The following CTNNA2 variants were observed in gnomAD, a reference collection of about 807,000 sequenced individuals.
The protein encoded by CTNNA2 is catenin alpha-2.
In CTNNA2, 42 loss-of-function variants were observed where a neutral mutation model predicts 101.0. The ratio of observed to expected loss-of-function variants is 0.42; its 90% CI spans 0.32 to 0.54. CTNNA2 has a LOEUF of 0.54. CTNNA2 is among the 20% of genes least tolerant of loss of function. CTNNA2 has a pLI of 0.14. For synonymous variants in CTNNA2, 450 were observed against 456.4 expected (o/e 0.99, Z 0.18); for missense variants, 871 against 1,223.1 (o/e 0.71, Z 4.29).
chr2:79,903,564 C>T (rs935136901), intron 6 of CTNNA2, among the ~76,000 whole-genome samples: 1 of 152,146 alleles, frequency 6.6e-6, no homozygotes, highest in East Asian at 1.9e-4. Context: ...TATGTCCATT[C>T]AGGCCCTTGA....
At chr2:79,729,167 G>A (rs912195837) in intron 2 of CTNNA2, among the ~76,000 whole-genome samples, 4 of 152,062 alleles carry the variant, frequency 2.6e-5, no homozygotes, top group African/African-American at 9.7e-5. Flanking sequence ...ATTTTATACA[G>A]CGAATAAGTG....
intron 2 of CTNNA2, among the ~76,000 whole-genome samples, chr2:79,724,072 C>T (rs1374709704): frequency 4.6e-5 from 7 of 152,156 alleles, no homozygotes; most frequent in African/African-American, 1.4e-4. Flanking sequence ...TGGACTGCCT[C>T]GTTGGATGTT....
At chr2:79,966,541 C>G (rs1690076945) in intron 7 of CTNNA2, among the ~76,000 whole-genome samples, 3 of 152,172 alleles carry the variant, frequency 2.0e-5, no homozygotes, top group Admixed American at 2.0e-4. Context: ...TGGCCTGTAA[C>G]TGGGACCTTT....
chr2:79,677,778 A>G (rs1683283692), intron 2 of CTNNA2, among the ~76,000 whole-genome samples: 1 of 152,232 alleles, frequency 6.6e-6, no homozygotes. Flanking sequence ...AATGTTAAAG[A>G]ATAAAGTAAG....
At chr2:79,622,845 T>G (rs544004187) in intron 1 of CTNNA2, among the ~76,000 whole-genome samples, 1 of 152,284 alleles carries the variant, frequency 6.6e-6, no homozygotes, top group South Asian at 2.1e-4. Flanking sequence ...GTAGGGGATA[T>G]TTCACTCCTA....
intron 2 of CTNNA2, among the ~76,000 whole-genome samples, chr2:79,656,453 G>T (rs1313634010): frequency 6.6e-6 from 1 of 152,066 alleles, no homozygotes; most frequent in African/African-American, 2.4e-5. Flanking sequence ...TAATAAGGAT[G>T]GATAAGGGAT....
At chr2:80,543,211 A>G (rs953329210) in intron 9 of CTNNA2, among the ~76,000 whole-genome samples, 1 of 152,218 alleles carries the variant, frequency 6.6e-6, no homozygotes, top group Non-Finnish European at 1.5e-5. Flanking sequence ...TAGAATACAG[A>G]TGTAACAAAG....
At chr2:79,660,327 GTGTA>G (rs1461064327) in intron 2 of CTNNA2, among the ~76,000 whole-genome samples, 1 of 149,964 alleles carries the variant, frequency 6.7e-6, no homozygotes, top group Non-Finnish European at 1.5e-5. Context: ...ACATATGTAT[GTGTA>G]TGTATACTAT....
chr2:80,410,127 G>T (rs539826977), intron 8 of CTNNA2, among the ~76,000 whole-genome samples: 1 of 152,256 alleles, frequency 6.6e-6, no homozygotes, highest in African/African-American at 2.4e-5. Context: ...CAGATTTTTA[G>T]ACTTTGTACA....
chr2:80,470,368 G>A (rs1245354109), intron 9 of CTNNA2, among the ~76,000 whole-genome samples: 1 of 151,740 alleles, frequency 6.6e-6, no homozygotes, highest in Non-Finnish European at 1.5e-5. Context: ...ATAAGGATTT[G>A]GGAGCCACAG....
At chr2:79,330,119 G>A (rs1279730154) in intron 3 of CTNNA2, among the ~76,000 whole-genome samples, 2 of 152,102 alleles carry the variant, frequency 1.3e-5, no homozygotes, top group Non-Finnish European at 2.9e-5. Context: ...CCTCTACCTG[G>A]CACTAATTCC....
chr2:80,201,367 CTTTTTT>C (rs60448795), intron 7 of CTNNA2, among the ~76,000 whole-genome samples: 6 of 80,732 alleles, frequency 7.4e-5, no homozygotes, highest in African/African-American at 2.1e-4. Flanking sequence ...CTTTTTCTTT[CTTTTTT>C]TTTTTTTTTT....
intron 1 of CTNNA2, among the ~76,000 whole-genome samples, chr2:79,646,907 T>C (rs1417693426): frequency 6.6e-6 from 1 of 152,208 alleles, no homozygotes; most frequent in Non-Finnish European, 1.5e-5. Flanking sequence ...TTGTGCTGTA[T>C]GGAAGAAGAC....
intron 4 of CTNNA2, among the ~76,000 whole-genome samples, chr2:79,480,660 A>C (rs1191612239): frequency 6.6e-6 from 1 of 152,128 alleles, no homozygotes; most frequent in Admixed American, 6.5e-5. Context: ...TCTCTTTGTT[A>C]GCAATATCCA....
intron 7 of CTNNA2, among the ~76,000 whole-genome samples, chr2:80,048,105 A>T (rs924620104): frequency 7.2e-5 from 11 of 152,178 alleles, no homozygotes; most frequent in Non-Finnish European, 1.5e-4. Flanking sequence ...AGAAAATAGG[A>T]TCACCAGATT....
intron 18 of CTNNA2, among the ~76,000 whole-genome samples, chr2:80,621,546 A>G (rs1671120111): frequency 6.6e-6 from 1 of 151,962 alleles, no homozygotes; most frequent in Admixed American, 6.6e-5. Context: ...CTACATAATG[A>G]TTTTGGAAGA....
At chr2:79,510,454 G>C (rs897649960), upstream of CTNNA2, among the ~76,000 whole-genome samples, 10 of 152,200 alleles carry the variant, frequency 6.6e-5, no homozygotes, top group African/African-American at 2.2e-4. Flanking sequence ...TATTTAGACT[G>C]TTATCAGAGG....
intron 2 of CTNNA2, among the ~76,000 whole-genome samples, chr2:79,281,207 G>A (rs1675371748): frequency 6.6e-6 from 1 of 152,052 alleles, no homozygotes; most frequent in Admixed American, 6.6e-5. Context: ...GTATGTCATG[G>A]TCCAAGGGTG....
intron 7 of CTNNA2, among the ~76,000 whole-genome samples, chr2:80,293,103 A>C (rs891634785): frequency 1.3e-5 from 2 of 152,238 alleles, no homozygotes; most frequent in African/African-American, 4.8e-5. Context: ...CCATAAATGC[A>C]ATCACTATGG....
Sources: allele counts gnomAD v4.1 joint callset (sites outside exome capture counted in the v4.1 genomes callset), GRCh38; gene constraint gnomAD v4.1.1; transcripts MANE v1.5; gene names NCBI Gene and HGNC (gene_info 2026-07-23, HGNC 2026-07-21).